Variants in STKLD1 observed in about 807,000 individuals in gnomAD.
STKLD1 encodes the protein serine/threonine kinase-like domain-containing protein STKLD1.
A neutral mutation model predicts 80.4 loss-of-function variants in STKLD1; 79 were observed. The observed-to-expected ratio is 0.98, with a 90% CI of 0.82 to 1.19. The LOEUF is 1.19. Among genes scored for constraint, STKLD1 ranks in the 50% most tolerant of loss-of-function variants. The probability of loss-of-function intolerance (pLI) is 0.00; values close to 1 mark genes in which losing one functional copy is unlikely to be tolerated. For missense variants in STKLD1, 841 were observed against 856.0 expected (o/e 0.98, Z 0.22); for synonymous variants, 393 against 357.6 (o/e 1.10, Z -1.12).
At chr9:133,383,209 AATG>A (rs1255029033) in intron 2 of STKLD1, among the ~76,000 whole-genome samples, 2 of 121,410 alleles carry the variant, frequency 1.6e-5, no homozygotes, top group African/African-American at 3.2e-5. Flanking sequence ...TGATTTTGGT[AATG>A]ATGGTGGTGA....
At chr9:133,383,945 A>G in intron 3 of STKLD1, 45 bp downstream of exon 3, 1 of 1,563,046 alleles carries the variant, frequency 6.4e-7, no homozygotes, top group Non-Finnish European at 8.8e-7. Flanking sequence ...TCAATGGAGC[A>G]TACACAGACT....
chr9:133,394,321 A>T lies in STKLD1; in HGVS notation c.614A>T (p.Glu205Val), dbSNP rs782313438. 1.2e-5 allele frequency: 19 copies of T among 1,613,774 alleles called. No homozygotes were observed. The Admixed American group carries it at 1.5e-4, about 13-fold the overall frequency. ...DPFRKSWMAPEALNFSFSQKS... is the reference protein window; with the variant it reads ...DPFRKSWMAPVALNFSFSQKS... ...TTTCGTAAGTCCTGGATGGCCCCTGAAGCCCTCAACTTCTCCTTCAGCCAG... is the reference window on the plus strand; with the variant it reads ...TTTCGTAAGTCCTGGATGGCCCCTGTAGCCCTCAACTTCTCCTTCAGCCAG... The change falls in exon 8 of 18, where the codon GAA becomes GTA. Residue 205 changes from glutamate to valine, a missense_variant. Physicochemically the swap from Glu to Val is moderately radical, Grantham distance 121. Coordinates refer to ENST00000371957, the MANE Select transcript of STKLD1 (RefSeq NM_153710.5). This position sits in a 1 kb window ranked among gnomAD's most constrained non-coding sequence, Gnocchi z 4.9.
At position 133,385,104 on chromosome 9, in the gene STKLD1, G is replaced by A. The variant is rs1432902697; in HGVS notation, c.220-513G>A. On this transcript the variant is annotated intron_variant, in intron 3 of 17. Coordinates refer to ENST00000371957, the MANE Select transcript of STKLD1 (RefSeq NM_153710.5). The surrounding 1 kb of genome is among the most constrained non-coding windows in gnomAD (Gnocchi z 4.9). The stretch of plus-strand genomic sequence containing the variant: ...TTCCCATCCACAGCCCACTAGGTAG[G>A]CCACCTGCTTTCATGCCCAACCTTC... 6.6e-6 allele frequency among the ~76,000 whole-genome samples: 1 copy of A among 152,212 alleles called. No individual in the cohort carries two copies. The highest frequency in any genetic ancestry group is 1.5e-5 in the Non-Finnish European group (1 of 68,030).
At chr9:133,392,054 G>GT (rs970395433) in intron 7 of STKLD1, among the ~76,000 whole-genome samples, 1 of 150,778 alleles carries the variant, frequency 6.6e-6, no homozygotes, top group Non-Finnish European at 1.5e-5. Context: ...CAGGATGGCA[G>GT]TTGCTGGTTG....
intron 10 of STKLD1, 64 bp downstream of exon 10, chr9:133,397,358 A>T: frequency 6.3e-7 from 1 of 1,598,790 alleles, no homozygotes; most frequent in Non-Finnish European, 8.5e-7. Context: ...TTGGCATCCT[A>T]TTGTTTAGTT....
In STKLD1 at chr9:133,394,330, A is replaced by C. The variant is rs782418469; in HGVS notation, c.623A>C (p.Asn208Thr). The change falls in exon 8 of 18, where the codon AAC becomes ACC. Residue 208 changes from asparagine (N) to threonine (T), a missense_variant. Transcript: ENST00000371957. This position sits in a 1 kb window ranked among gnomAD's most constrained non-coding sequence, Gnocchi z 4.9. ...TCCTGGATGGCCCCTGAAGCCCTCAACTTCTCCTTCAGCCAGAAATCAGAC... is the reference window on the plus strand; with the variant it reads ...TCCTGGATGGCCCCTGAAGCCCTCACCTTCTCCTTCAGCCAGAAATCAGAC... ...RKSWMAPEAL[N>T]FSFSQKSDIW... is the part of the protein sequence containing the mutation. 2 of 1,613,830 alleles carry C rather than the reference A, an allele frequency of 1.2e-6. No homozygotes were observed. Among genetic ancestry groups the C allele is most frequent in the African/African-American group, 2.7e-5 (2 of 74,988 alleles).
In STKLD1 at chr9:133,383,065, C is replaced by T. The variant is rs1160999483; in HGVS notation, c.175-791C>T. 5.0e-3 allele frequency among the ~76,000 whole-genome samples: 532 copies of T among 105,750 alleles called. 6 individuals carry two copies. The highest frequency in any genetic ancestry group is 0.019 in the African/African-American group (496 of 26,728). The allele number at this position is 105,750 out of a possible 152,430, so 69.4% of individuals were successfully genotyped here. A position where few individuals can be genotyped will look rare whatever the true frequency, so the allele number is the denominator to read the frequency against. On this transcript the variant is annotated intron_variant, in intron 2 of 17. Transcript: ENST00000371957. Reference sequence around the variant, plus strand: ...ATGGGGATAATAGTGGTGATGGTGACGGTGGTGTTGATGGTGTGATGGTGG... The same window carrying T: ...ATGGGGATAATAGTGGTGATGGTGATGGTGGTGTTGATGGTGTGATGGTGG...
In STKLD1 at chr9:133,403,852, C is replaced by A. The variant is rs782106621; in HGVS notation, c.1603+24C>A. On this transcript the variant is annotated intron_variant, in intron 15 of 17. Transcript: ENST00000371957. The stretch of plus-strand genomic sequence containing the variant: ...GGGTGAGCTGGGTGGGCGCCCTGGG[C>A]CCCTGGGGCTGGGAGGGGTGGGCCT... 18 of 1,612,298 alleles carry A rather than the reference C, an allele frequency of 1.1e-5. No individual in the cohort carries two copies. The Admixed American group carries it at 2.7e-4, about 24-fold the overall frequency.
chr9:133,378,375 C>T (rs1238048244), intron 1 of STKLD1, among the ~76,000 whole-genome samples: 1 of 152,218 alleles, frequency 6.6e-6, no homozygotes, highest in African/African-American at 2.4e-5. Flanking sequence ...CCCCCTGCCC[C>T]ATAGCACTTG....
At chr9:133,380,835 T>C (rs1156687599) in intron 2 of STKLD1, among the ~76,000 whole-genome samples, 1 of 152,084 alleles carries the variant, frequency 6.6e-6, no homozygotes, top group Non-Finnish European at 1.5e-5. Flanking sequence ...ATCCTTTTTA[T>C]ATTGCAAACA....
chr9:133,393,191 C>CACGGATGG (rs1309038740), intron 7 of STKLD1, among the ~76,000 whole-genome samples: 1 of 90,666 alleles, frequency 1.1e-5, no homozygotes, highest in Non-Finnish European at 2.1e-5. Flanking sequence ...TGGATGAGTG[C>CACGGATGG]ATGGATGGAT....
chr9:133,400,099 G>T (rs1554777348), intron 11 of STKLD1, among the ~76,000 whole-genome samples: 1 of 152,156 alleles, frequency 6.6e-6, no homozygotes, highest in African/African-American at 2.4e-5. Flanking sequence ...AAGGGCTCTG[G>T]AATAGACTGG....
Position 133,400,452 on chromosome 9 carries a change from C to G in STKLD1, c.1121C>G (p.Thr374Arg). The G allele has an allele frequency of 6.2e-7, 1 of 1,613,312 alleles. No individual in the cohort carries two copies. The highest frequency in any genetic ancestry group is 8.5e-7 in the Non-Finnish European group (1 of 1,179,992). ...CCGGAGCTGGTGGAGGTGGTGGTCACGACCATGGAGCTACATGACAGGGTC... is the reference window on the plus strand; with the variant it reads ...CCGGAGCTGGTGGAGGTGGTGGTCAGGACCATGGAGCTACATGACAGGGTC... ...WPPELVEVVV[T>R]TMELHDRVLD... is the part of the protein sequence containing the mutation. The change falls in exon 12 of 18, where the codon ACG (threonine) becomes AGG (arginine). Residue 374 changes from threonine to arginine, a missense_variant. Coordinates refer to ENST00000371957, the MANE Select transcript of STKLD1 (RefSeq NM_153710.5).
At chr9:133,381,045 G>A (rs1838118326) in intron 2 of STKLD1, among the ~76,000 whole-genome samples, 1 of 144,512 alleles carries the variant, frequency 6.9e-6, no homozygotes, top group Non-Finnish European at 1.5e-5. Flanking sequence ...TTGTTTTTTT[G>A]TTTTGTTTTG....
chr9:133,403,201 G>C (rs1448789512), intron 14 of STKLD1, among the ~76,000 whole-genome samples, 189 bp downstream of exon 14: 1 of 152,252 alleles, frequency 6.6e-6, no homozygotes, highest in Admixed American at 6.5e-5. Flanking sequence ...AGAGAGAAAA[G>C]GCAGGGGAGA....
Position 133,379,113 on chromosome 9 carries a change from G to C in STKLD1, c.165G>C (p.Val55=). ...VEEMETKVKH[V]IKQVECMDDH... is the part of the protein sequence containing the mutation. Reference sequence around the variant, plus strand: ...AAATGGAAACCAAAGTCAAGCATGTGATAAAGCAGGTAAGAGGCCAAGCCT... The same window carrying C: ...AAATGGAAACCAAAGTCAAGCATGTCATAAAGCAGGTAAGAGGCCAAGCCT... Residue 55 remains valine (V), a synonymous_variant, in exon 2 of 18, where the codon GTG becomes GTC. Transcript: ENST00000371957. 6 of 1,613,952 alleles carry C rather than the reference G, an allele frequency of 3.7e-6. No individual in the cohort carries two copies. The highest frequency in any genetic ancestry group is 5.1e-6 in the Non-Finnish European group (6 of 1,179,926).
At chr9:133,378,357 C>T (rs115998234) in intron 1 of STKLD1, among the ~76,000 whole-genome samples, 3,599 of 152,290 alleles carry the variant, frequency 0.024, 146 homozygotes, top group African/African-American at 0.082. Context: ...CAGCAATCCC[C>T]GGCCCAGCCC....
At position 133,385,591 on chromosome 9, in the gene STKLD1, C is replaced by T. The variant is rs1415799412; in HGVS notation, c.220-26C>T. 1.2e-6 allele frequency: 2 copies of T among 1,611,026 alleles called. No individual in the cohort carries two copies. Among genetic ancestry groups the T allele is most frequent in the South Asian group, 1.1e-5 (1 of 91,008 alleles). On this transcript the variant is annotated intron_variant, in intron 3 of 17. Coordinates refer to ENST00000371957, the MANE Select transcript of STKLD1 (RefSeq NM_153710.5). This position sits in a 1 kb window ranked among gnomAD's most constrained non-coding sequence, Gnocchi z 4.9. The stretch of plus-strand genomic sequence containing the variant: ...AAGGCGTGGAGAGGCACTGACTTCT[C>T]CGTTTCCTCTGCTCTATCCTGGCAG...
chr9:133,387,422 G>T, intron 4 of STKLD1, 25 bp from the exon 5 acceptor site: 2 of 1,603,484 alleles, frequency 1.2e-6, no homozygotes, highest in South Asian at 1.1e-5. Context: ...GGCGTCCTTT[G>T]GCTAAGGGCC....
Sources: gnomAD v4.1 joint callset for allele counts (sites outside exome capture counted in the v4.1 genomes callset) on GRCh38, gnomAD v4.1.1 for gene constraint, Gnocchi (gnomAD v3.1) non-coding constraint, MANE v1.5 for transcripts, NCBI Gene and HGNC (gene_info 2026-07-23, HGNC 2026-07-21) for gene names.